THUMPD2: variants seen among roughly 807,000 people sequenced by gnomAD.
THUMPD2 encodes the protein U6 snRNA (guanine-N(2))-methyltransferase THUMPD2.
In THUMPD2, 56 loss-of-function variants were observed where a neutral mutation model predicts 49.4. That is an observed-to-expected ratio of 1.13 (90% confidence interval 0.91 to 1.41). THUMPD2 has a LOEUF of 1.41. Among genes scored for constraint, THUMPD2 ranks in the 40% most tolerant of loss-of-function variants. The probability of loss-of-function intolerance (pLI) is 0.00; values close to 1 mark genes in which losing one functional copy is unlikely to be tolerated. For synonymous variants in THUMPD2, 237 were observed against 205.2 expected (o/e 1.15, Z -1.32); for missense variants, 709 against 594.5 (o/e 1.19, Z -2.00).
Position 39,779,168 on chromosome 2 carries a change from G to A in THUMPD2, c.72C>T (p.Arg24=). 2.0e-6 allele frequency: 3 copies of A among 1,520,502 alleles called. No homozygotes were observed. The highest frequency in any genetic ancestry group is 2.4e-5 in the South Asian group (2 of 81,696). The allele number at this position is 1,520,502 out of a possible 1,614,324, so 94.2% of individuals were successfully genotyped here. A position where few individuals can be genotyped will look rare whatever the true frequency, so the allele number is the denominator to read the frequency against. The part of the protein sequence containing the change: ...AGARFFCTAG[R]GLEPFVMREV... ...CTCGCATTACGAACGGCTCCAGGCC[G>A]CGACCCGCAGTGCAGAAGAATCGGG... The change falls in exon 1 of 10, where the codon CGC becomes CGT. Residue 24 remains arginine (R), a synonymous_variant. Coordinates refer to ENST00000505747, the MANE Select transcript of THUMPD2 (RefSeq NM_025264.5).
chr2:39,761,253 T>C (rs983681265), intron 6 of THUMPD2, 78 bp downstream of exon 6: 1 of 1,235,186 alleles, frequency 8.1e-7, no homozygotes, highest in Non-Finnish European at 1.2e-6. Flanking sequence ...GTAACATAAA[T>C]ATCCATCAAT....
chr2:39,768,642 T>C (rs7604790), intron 3 of THUMPD2, 141 bp from the exon 4 acceptor site: 38,789 of 764,340 alleles, frequency 0.051, 2,593 homozygotes, highest in African/African-American at 0.27. Flanking sequence ...ATTAAAATTG[T>C]ACATGAAAGC....
At chr2:39,768,118 T>C (rs1677802012) in intron 4 of THUMPD2, among the ~76,000 whole-genome samples, 1 of 152,204 alleles carries the variant, frequency 6.6e-6, no homozygotes, top group African/African-American at 2.4e-5. Context: ...ACAGATTGTG[T>C]GTATTATAGA....
At chr2:39,769,093 C>T (rs940249393) in intron 3 of THUMPD2, 12 of 1,304,094 alleles carry the variant, frequency 9.2e-6, no homozygotes, top group Non-Finnish European at 1.2e-5. Flanking sequence ...ATGTACAGGA[C>T]CTGTGCAGAG....
At chr2:39,753,006 T>C (rs1675619970) in intron 8 of THUMPD2, among the ~76,000 whole-genome samples, 1 of 152,144 alleles carries the variant, frequency 6.6e-6, no homozygotes, top group Non-Finnish European at 1.5e-5. Context: ...GCAATTCTCC[T>C]CCTTCCTCCG....
chr2:39,761,697 A>G (rs1676846781), intron 5 of THUMPD2, among the ~76,000 whole-genome samples: 1 of 152,192 alleles, frequency 6.6e-6, no homozygotes, highest in African/African-American at 2.4e-5. Flanking sequence ...ATTACACATG[A>G]GGAAAATCTT....
Position 39,737,020 on chromosome 2 carries a change from A to G in THUMPD2, c.1227T>C (p.Ser409=). ...CTGTAAGGCGCCTGTGGTGATCTTC[A>G]CTAAGCAACAATACAATGGTTCCGC... ...HVGGTIVLLL[S]EDHHRRLTDC... The change falls in exon 10 of 10, where the codon AGT becomes AGC. Residue 409 remains serine (S), a synonymous_variant. Transcript: ENST00000505747. 1 of 1,613,724 alleles carries G rather than the reference A, an allele frequency of 6.2e-7. No homozygotes were observed.
At chr2:39,755,826 A>C (rs1448828375) in intron 7 of THUMPD2, 63 bp downstream of exon 7, 2 of 1,335,004 alleles carry the variant, frequency 1.5e-6, no homozygotes, top group African/African-American at 1.5e-5. Flanking sequence ...ATAATTGGTG[A>C]TTATACTACA....
intron 8 of THUMPD2, among the ~76,000 whole-genome samples, chr2:39,754,567 A>G (rs1425686847): frequency 1.3e-5 from 2 of 152,208 alleles, no homozygotes; most frequent in African/African-American, 2.4e-5. Context: ...CTTACCTGGG[A>G]ATTAAATTCA....
chr2:39,768,692 C>A, intron 3 of THUMPD2, 191 bp from the exon 4 acceptor site: 1 of 676,468 alleles, frequency 1.5e-6, no homozygotes, highest in Non-Finnish European at 2.4e-6. Flanking sequence ...TTTACCTGCC[C>A]TAGCCCCCAG....
Position 39,755,881 on chromosome 2 carries a change from G to A in THUMPD2, c.963+8C>T. 3 of 1,613,388 alleles carry A rather than the reference G, an allele frequency of 1.9e-6. No homozygotes were observed. Among genetic ancestry groups the A allele is most frequent in the Non-Finnish European group, 2.5e-6 (3 of 1,179,542 alleles). On this transcript the variant is annotated splice_region_variant and intron_variant, in intron 7 of 9. Coordinates refer to ENST00000505747, the MANE Select transcript of THUMPD2 (RefSeq NM_025264.5). ...AAATTGCTTGCTTTACCAAACTTTAGAACTTACTGGCCATTCTTTAGCAGC... is the reference window on the plus strand; with the variant it reads ...AAATTGCTTGCTTTACCAAACTTTAAAACTTACTGGCCATTCTTTAGCAGC...
chr2:39,774,302 A>G (rs1354247845), intron 1 of THUMPD2, among the ~76,000 whole-genome samples: 1 of 152,240 alleles, frequency 6.6e-6, no homozygotes, highest in Non-Finnish European at 1.5e-5. Context: ...ATTTATTTCA[A>G]TGTTTAACAT....
Position 39,768,474 on chromosome 2 carries a change from T to G in THUMPD2, c.700A>C (p.Ile234Leu). The change falls in exon 4 of 10, where the codon ATT becomes CTT. Residue 234 changes from isoleucine to leucine, a missense_variant. Ile to Leu is a conservative substitution (Grantham distance 5). Coordinates refer to ENST00000505747, the MANE Select transcript of THUMPD2 (RefSeq NM_025264.5). ...GCTTTCCATCCAAAGTGTTTCATAA[T>G]AGCAATTCCAATTACTTTTCCTACC... ...QEVGKVIGIA[I>L]MKHFGWKADL... 6.2e-7 allele frequency: 1 copy of G among 1,612,830 alleles called. No individual in the cohort carries two copies. The highest frequency in any genetic ancestry group is 8.5e-7 in the Non-Finnish European group (1 of 1,179,566).
At chr2:39,748,696 C>T (rs1674942927) in intron 8 of THUMPD2, among the ~76,000 whole-genome samples, 1 of 151,132 alleles carries the variant, frequency 6.6e-6, no homozygotes, top group East Asian at 1.9e-4. Context: ...CAAAAAAAAA[C>T]AAAAAAAGTG....
At position 39,736,479 on chromosome 2, in the gene THUMPD2, CTT is replaced by C; in HGVS notation, c.*254_*255del. ...GTTTTTGCTCAGAAACTGGGCAGAA[CTT>C]TTCACATTCTGACAGAAGATAAAAC... On this transcript the variant is annotated 3_prime_UTR_variant, in exon 10 of 10. Transcript: ENST00000505747. The C allele has an allele frequency of 3.0e-6, 1 of 336,800 alleles. No homozygotes were observed. The highest frequency in any genetic ancestry group is 5.4e-6 in the Non-Finnish European group (1 of 186,748). 20.9% of individuals were successfully genotyped at this position (336,800 alleles called of 1,614,324 possible). A position where few individuals can be genotyped will look rare whatever the true frequency, so the allele number is the denominator to read the frequency against.
intron 9 of THUMPD2, among the ~76,000 whole-genome samples, chr2:39,737,380 C>T (rs1277977277): frequency 6.6e-6 from 1 of 152,084 alleles, no homozygotes; most frequent in Non-Finnish European, 1.5e-5. Flanking sequence ...GTATTAAAAG[C>T]AGTAGCCTGA....
intron 2 of THUMPD2, 103 bp downstream of exon 2, chr2:39,771,401 CA>C: frequency 8.8e-7 from 1 of 1,139,082 alleles, no homozygotes; most frequent in East Asian, 2.6e-5. Context: ...CCACACATGT[CA>C]ATGAATATTA....
At chr2:39,740,356 T>C (rs1673736881) in intron 9 of THUMPD2, among the ~76,000 whole-genome samples, 1 of 152,344 alleles carries the variant, frequency 6.6e-6, no homozygotes, top group East Asian at 1.9e-4. Flanking sequence ...AGGAGATTCA[T>C]GACATTGTTG....
Position 39,770,130 on chromosome 2 carries a change from A to G in THUMPD2, c.263-11T>C, listed in dbSNP as rs750067343. ...CATTAAATATTTTTCCTAAATAAGA[A>G]AAATCTTGTTGATCCTCTATTGAAG... On this transcript the variant is annotated splice_polypyrimidine_tract_variant and intron_variant, in intron 2 of 9. Coordinates refer to ENST00000505747, the MANE Select transcript of THUMPD2 (RefSeq NM_025264.5). 1.4e-6 allele frequency: 2 copies of G among 1,457,148 alleles called. No homozygotes were observed. Among genetic ancestry groups the G allele is most frequent in the Non-Finnish European group, 9.0e-7 (1 of 1,110,446 alleles). 90.3% of individuals were successfully genotyped at this position (1,457,148 alleles called of 1,614,324 possible).
Sources: allele counts gnomAD v4.1 joint callset (sites outside exome capture counted in the v4.1 genomes callset), GRCh38; gene constraint gnomAD v4.1.1; transcripts MANE v1.5; gene names NCBI Gene and HGNC (gene_info 2026-07-23, HGNC 2026-07-21).